ABCA9: variants seen among roughly 807,000 people sequenced by gnomAD.
The protein encoded by ABCA9 is ATP binding cassette subfamily A member 9, also known as ATP-binding cassette sub-family A member 9.
ABCA9 carries 183 observed loss-of-function variants against 205.3 expected under a neutral mutation model. The ratio of observed to expected loss-of-function variants is 0.89; its 90% CI spans 0.79 to 1.01. ABCA9 has a LOEUF of 1.01. Ranked by LOEUF, ABCA9 falls within the 50% of genes least tolerant of loss-of-function variation. The probability of loss-of-function intolerance (pLI) is 0.00; values close to 1 mark genes in which losing one functional copy is unlikely to be tolerated. For missense variants in ABCA9, 1,805 were observed against 1,912.4 expected, an observed-to-expected ratio of 0.94 and a Z score of 1.05; for synonymous variants, 651 against 683.3, an observed-to-expected ratio of 0.95 and a Z score of 0.74.
intron 1 of ABCA9, among the ~76,000 whole-genome samples, chr17:69,054,719 C>T (rs531518255): frequency 5.3e-5 from 8 of 151,464 alleles, no homozygotes; most frequent in African/African-American, 1.9e-4. Flanking sequence ...GCCATATATA[C>T]AATATATGTA....
intron 32 of ABCA9, among the ~76,000 whole-genome samples, chr17:68,985,425 C>T (rs1340377407): frequency 6.6e-6 from 1 of 151,900 alleles, no homozygotes; most frequent in Non-Finnish European, 1.5e-5. Flanking sequence ...AGATTGAGAC[C>T]ATCCTGGCCA....
chr17:68,993,883 T>C (rs2069532905), intron 26 of ABCA9, among the ~76,000 whole-genome samples: 1 of 151,404 alleles, frequency 6.6e-6, no homozygotes, highest in Non-Finnish European at 1.5e-5. Flanking sequence ...TGATACTATA[T>C]TTTTTTTTAT....
chr17:69,025,774 T>C (rs981228327), intron 16 of ABCA9, among the ~76,000 whole-genome samples: 3 of 152,152 alleles, frequency 2.0e-5, no homozygotes, highest in Non-Finnish European at 4.4e-5. Context: ...TTACAAGTCG[T>C]GGAGATTGGC....
intron 25 of ABCA9, among the ~76,000 whole-genome samples, chr17:68,998,517 C>T (rs1010701490): frequency 3.3e-5 from 5 of 152,056 alleles, no homozygotes; most frequent in Non-Finnish European, 5.9e-5. Context: ...AGTTTCATAT[C>T]ATAATGAATA....
At chr17:69,024,418 A>G in intron 16 of ABCA9, 65 bp from the exon 17 acceptor site, 8 of 1,402,824 alleles carry the variant, frequency 5.7e-6, no homozygotes, top group Non-Finnish European at 6.7e-6. Context: ...TTTCCTAATT[A>G]TGTAGTATGT....
intron 16 of ABCA9, among the ~76,000 whole-genome samples, chr17:69,024,746 C>G (rs1280836436): frequency 6.6e-6 from 1 of 152,038 alleles, no homozygotes; most frequent in East Asian, 1.9e-4. Flanking sequence ...CAGACTTGAG[C>G]ATGAGAAAAC....
At chr17:69,065,237 A>G (rs917806154), upstream of ABCA9, among the ~76,000 whole-genome samples, 1 of 152,112 alleles carries the variant, frequency 6.6e-6, no homozygotes, top group Non-Finnish European at 1.5e-5. Context: ...TTTAACTAAT[A>G]CCTTCATCAA....
chr17:69,066,154 C>T, the ABCA9 span, among the ~76,000 whole-genome samples: 1 of 152,160 alleles, frequency 6.6e-6, no homozygotes, highest in Non-Finnish European at 1.5e-5. Context: ...CCAGGTGCCC[C>T]CACAGCACGC....
At chr17:68,981,870 C>T (rs1361950136) in intron 37 of ABCA9, among the ~76,000 whole-genome samples, 1 of 137,520 alleles carries the variant, frequency 7.3e-6, no homozygotes, top group East Asian at 2.2e-4. Flanking sequence ...AGCTAGGATG[C>T]TTGAGGCCTC....
Position 69,043,635 on chromosome 17 carries a change from T to C in ABCA9, c.654A>G (p.Gln218=), listed in dbSNP as rs775399445. The C allele has an allele frequency of 1.5e-5, 25 of 1,613,688 alleles. No homozygotes were observed. Among genetic ancestry groups the C allele is most frequent in the Non-Finnish European group, 2.5e-6 (3 of 1,179,896 alleles). Residue 218 remains glutamine (Q), a synonymous_variant, in exon 6 of 39, where the codon CAA becomes CAG. Coordinates refer to ENST00000340001, the MANE Select transcript of ABCA9 (RefSeq NM_080283.4). Reference sequence around the variant, plus strand: ...TGAAAAAATCAGTTGCAACTCCTCCTTGGGCAACAAAAGGTAATATCTTCA... The same window carrying C: ...TGAAAAAATCAGTTGCAACTCCTCCCTGGGCAACAAAAGGTAATATCTTCA... ...VHMKILPFVA[Q]GGVATDFFIF... is the part of the protein sequence containing the mutation.
rs760206303 is a variant in ABCA9 at position 69,018,469 on chromosome 17, G to A, written c.2711C>T (p.Ser904Leu). Residue 904 changes from serine to leucine, a missense_variant, in exon 20 of 39, where the codon TCA (serine) becomes TTA (leucine). Ser to Leu is a moderately radical substitution (Grantham distance 145). Transcript: ENST00000340001. ...AGGATCCTGTGGTTGTTGTCCTGGT[G>A]AGAGGAAGTATGTATTTGGAGACAG... is the stretch of plus-strand genomic sequence containing the variant. ...WELSPNTYFL[S>L]PGQQPQDPLT... The A allele has an allele frequency of 1.2e-6, 2 of 1,607,898 alleles. No individual in the cohort carries two copies. The highest frequency in any genetic ancestry group is 1.7e-6 in the Non-Finnish European group (2 of 1,177,618).
chr17:68,991,363 T>C (rs2069451391), intron 28 of ABCA9, among the ~76,000 whole-genome samples: 1 of 152,184 alleles, frequency 6.6e-6, no homozygotes, highest in Non-Finnish European at 1.5e-5. Context: ...GAATCAAGGA[T>C]GTGTCCCAGA....
In ABCA9 at chr17:69,018,443, G is replaced by C. The variant is rs774011849; in HGVS notation, c.2737C>G (p.Leu913Val). The change falls in exon 20 of 39, where the codon CTG becomes GTG. Residue 913 changes from leucine to valine, a missense_variant. By Grantham distance (32) the Leu-to-Val change is conservative. Coordinates refer to ENST00000340001, the MANE Select transcript of ABCA9 (RefSeq NM_080283.4). ...TTATTGATGACCAGTAAATGGGTCA[G>C]AGGATCCTGTGGTTGTTGTCCTGGT... Reference protein sequence around the residue: ...LSPGQQPQDPLTHLLVINKTG... With the variant: ...LSPGQQPQDPVTHLLVINKTG... 21 of 1,601,528 alleles carry C rather than the reference G, an allele frequency of 1.3e-5. No homozygotes were observed. The highest frequency in any genetic ancestry group is 1.6e-5 in the Non-Finnish European group (19 of 1,176,230).
chr17:69,052,628 C>T (rs929377113), intron 1 of ABCA9, among the ~76,000 whole-genome samples: 24 of 152,156 alleles, frequency 1.6e-4, no homozygotes, highest in Admixed American at 1.5e-3. Flanking sequence ...CTTGGGTTTT[C>T]CCCACAAAGA....
In ABCA9 at chr17:69,027,347, T is replaced by C. The variant is rs1270959979; in HGVS notation, c.1894A>G (p.Ile632Val). Residue 632 changes from isoleucine (I) to valine (V), a missense_variant, in exon 14 of 39, where the codon ATT becomes GTT. Physicochemically the swap from Ile to Val is conservative, Grantham distance 29. Transcript: ENST00000340001. Reference sequence around the variant, plus strand: ...TGACTTACTTGAGGATCTCCTAAAATGGCAATCCCAAAAGTTAGTTTCCTA... The same window carrying C: ...TGACTTACTTGAGGATCTCCTAAAACGGCAATCCCAAAAGTTAGTTTCCTA... Reference protein sequence around the residue: ...QNRKLTFGIAILGDPQVLLLD... With the variant: ...QNRKLTFGIAVLGDPQVLLLD... The C allele has an allele frequency of 5.6e-6, 9 of 1,613,090 alleles. No individual in the cohort carries two copies. The highest frequency in any genetic ancestry group is 4.5e-5 in the East Asian group (2 of 44,790).
rs771460203 is a variant in ABCA9 at position 68,989,015 on chromosome 17, C to T, written c.4047+12G>A. The T allele has an allele frequency of 3.2e-6, 5 of 1,559,246 alleles. No individual in the cohort carries two copies. Among genetic ancestry groups the T allele is most frequent in the Non-Finnish European group, 3.5e-6 (4 of 1,131,954 alleles). On this transcript the variant is annotated intron_variant, in intron 31 of 38. Transcript: ENST00000340001. ...TAGCACTAATGACCATATTCCTGTACGTTTTACTGACCTGTCCTGCAGTTG... is the reference window on the plus strand; with the variant it reads ...TAGCACTAATGACCATATTCCTGTATGTTTTACTGACCTGTCCTGCAGTTG...
intron 22 of ABCA9, 141 bp from the exon 23 acceptor site, chr17:69,012,224 C>A: frequency 1.8e-6 from 1 of 550,884 alleles, no homozygotes; most frequent in South Asian, 2.7e-5. Flanking sequence ...ACTTCTTACC[C>A]ACATTCATTT....
At position 69,018,401 on chromosome 17, in the gene ABCA9, C is replaced by G. The variant is rs773374866; in HGVS notation, c.2767+12G>C. On this transcript the variant is annotated intron_variant, in intron 20 of 38. Transcript: ENST00000340001. ...ACAACATTTAACAGCTGCATTTCAGCCCCATGTTCACCTGTCTTATTGATG... is the reference window on the plus strand; with the variant it reads ...ACAACATTTAACAGCTGCATTTCAGGCCCATGTTCACCTGTCTTATTGATG... 3.4e-5 allele frequency: 52 copies of G among 1,520,192 alleles called. No homozygotes were observed. The highest frequency in any genetic ancestry group is 4.8e-5 in the Admixed American group (2 of 41,940). The allele number at this position is 1,520,192 out of a possible 1,614,324, so 94.2% of individuals were successfully genotyped here. A position where few individuals can be genotyped will look rare whatever the true frequency, so the allele number is the denominator to read the frequency against.
Position 68,993,089 on chromosome 17 carries a change from A to G in ABCA9, c.3556-5T>C. ...ATCCATGGAATCAGGAGAAATCTGTAAAATGAGCAGTAAGTGTATTCAGGT... is the reference window on the plus strand; with the variant it reads ...ATCCATGGAATCAGGAGAAATCTGTGAAATGAGCAGTAAGTGTATTCAGGT... On this transcript the variant is annotated splice_region_variant and splice_polypyrimidine_tract_variant and intron_variant, in intron 26 of 38. Coordinates refer to ENST00000340001, the MANE Select transcript of ABCA9 (RefSeq NM_080283.4). The G allele has an allele frequency of 6.2e-7, 1 of 1,611,974 alleles. No homozygotes were observed. Among genetic ancestry groups the G allele is most frequent in the South Asian group, 1.1e-5 (1 of 90,982 alleles).
Sources: gnomAD v4.1 joint callset for allele counts (sites outside exome capture counted in the v4.1 genomes callset) on GRCh38, gnomAD v4.1.1 for gene constraint, MANE v1.5 for transcripts, NCBI Gene and HGNC (gene_info 2026-07-23, HGNC 2026-07-21) for gene names.